The following DOCK1 variants were observed in gnomAD, a reference collection of about 807,000 sequenced individuals.
DOCK1 encodes dedicator of cytokinesis protein 1.
DOCK1 carries 138 observed loss-of-function variants against 262.7 expected under a neutral mutation model. The ratio of observed to expected loss-of-function variants is 0.53; its 90% CI spans 0.46 to 0.61. DOCK1 has a LOEUF of 0.61. Ranked by LOEUF, DOCK1 falls within the 20% of genes least tolerant of loss-of-function variation. DOCK1 has a pLI of 0.00. For synonymous variants in DOCK1, 866 were observed against 867.4 expected, an observed-to-expected ratio of 1.00 and a Z score of 0.03; for missense variants, 1,908 against 2,370.7, an observed-to-expected ratio of 0.80 and a Z score of 4.05.
chr10:126,952,953 T>C (rs2036429346), intron 1 of DOCK1, among the ~76,000 whole-genome samples: 2 of 180 alleles, frequency 0.011, no homozygotes, highest in Non-Finnish European at 0.026. Flanking sequence ...ATGGTAGTGG[T>C]AGTATTTTTT....
At chr10:127,156,347 G>A (rs145328127) in intron 27 of DOCK1, among the ~76,000 whole-genome samples, 44 of 152,186 alleles carry the variant, frequency 2.9e-4, no homozygotes, top group Non-Finnish European at 5.4e-4. Context: ...TTGCTTGTAT[G>A]CTGGGGCTGG....
chr10:126,957,948 A>C lies in DOCK1; in HGVS notation c.47-12754A>C, dbSNP rs893731721. 8.7e-4 allele frequency among the ~76,000 whole-genome samples: 133 copies of C among 152,382 alleles called. 1 individual carries two copies. Among genetic ancestry groups the C allele is most frequent in the Non-Finnish European group, 1.0e-3 (71 of 68,048 alleles). On this transcript the variant is annotated intron_variant, in intron 1 of 51. Coordinates refer to ENST00000623213, the MANE Select transcript of DOCK1 (RefSeq NM_001290223.2). The stretch of plus-strand genomic sequence containing the variant: ...ATTCATGTGGCTCAAAATGTTGAGC[A>C]GAAGAAGTCAGACATAAAGGAGCAC...
chr10:127,267,465 G>A (rs1366837812), intron 29 of DOCK1, among the ~76,000 whole-genome samples: 1 of 152,108 alleles, frequency 6.6e-6, no homozygotes, highest in African/African-American at 2.4e-5. Context: ...TATTCAGATT[G>A]CCTGTTTTAA....
chr10:127,097,670 T>C (rs2047994015), intron 23 of DOCK1, among the ~76,000 whole-genome samples: 1 of 152,208 alleles, frequency 6.6e-6, no homozygotes, highest in African/African-American at 2.4e-5. Context: ...ACCAAGTTGA[T>C]AGAATAACAT....
rs528192596 is a variant in DOCK1, at chr10:126,997,198, G to C, written c.609+315G>C. On this transcript the variant is annotated intron_variant, in intron 7 of 51. Transcript: ENST00000623213. ...TTTCCTCTCGGATAATGGTAGGCAGGTCATGTATTCCAAGCTCATTGAGGG... is the reference window on the plus strand; with the variant it reads ...TTTCCTCTCGGATAATGGTAGGCAGCTCATGTATTCCAAGCTCATTGAGGG... 5.3e-5 allele frequency among the ~76,000 whole-genome samples: 8 copies of C among 152,250 alleles called. No homozygotes were observed. In the East Asian group the frequency reaches 1.5e-3, roughly 29 times the overall value.
At chr10:126,907,381 G>A (rs1340849079) in intron 1 of DOCK1, among the ~76,000 whole-genome samples, 1 of 152,130 alleles carries the variant, frequency 6.6e-6, no homozygotes, top group Non-Finnish European at 1.5e-5. Flanking sequence ...TGCAGTAGTG[G>A]CCATTGGGGG....
intron 27 of DOCK1, among the ~76,000 whole-genome samples, chr10:127,228,918 G>A (rs1034572291): frequency 3.9e-5 from 6 of 152,020 alleles, no homozygotes; most frequent in African/African-American, 1.5e-4. Context: ...TATTTTTCAC[G>A]TGTGGTGAGA....
intron 8 of DOCK1, 123 bp downstream of exon 8, chr10:126,998,372 C>A: frequency 7.5e-7 from 1 of 1,339,920 alleles, no homozygotes; most frequent in Non-Finnish European, 1.0e-6. Flanking sequence ...TGGACACGAG[C>A]AAGCAGCCGA....
At chr10:127,265,880 A>G (rs1357014124) in intron 29 of DOCK1, among the ~76,000 whole-genome samples, 3 of 152,226 alleles carry the variant, frequency 2.0e-5, no homozygotes, top group Admixed American at 6.5e-5. Flanking sequence ...TTCCTTAAGG[A>G]TAAGTCGTGT....
chr10:126,928,136 GCA>G (rs1481804951), intron 1 of DOCK1, among the ~76,000 whole-genome samples: 1 of 152,204 alleles, frequency 6.6e-6, no homozygotes, highest in African/African-American at 2.4e-5. Flanking sequence ...AATGAAACAT[GCA>G]CAGAGTGAAG....
rs372286406 is a variant in DOCK1, at chr10:127,451,453, G to A, written c.*26G>A. 6.4e-7 allele frequency: 1 copy of A among 1,556,878 alleles called. No individual in the cohort carries two copies. Among genetic ancestry groups the A allele is most frequent in the Non-Finnish European group, 8.7e-7 (1 of 1,150,456 alleles). ...CGTCGCAAGCCTCTCTGGAAAGAGT[G>A]TGCTGCCCCTCCCCATCTCCATGCC... is the stretch of plus-strand genomic sequence containing the variant. On this transcript the variant is annotated 3_prime_UTR_variant, in exon 52 of 52. Coordinates refer to ENST00000623213, the MANE Select transcript of DOCK1 (RefSeq NM_001290223.2).
At chr10:127,016,998 G>T (rs1022567324) in intron 12 of DOCK1, among the ~76,000 whole-genome samples, 1 of 60,826 alleles carries the variant, frequency 1.6e-5, no homozygotes, top group African/African-American at 7.7e-5. Context: ...CACAGATACA[G>T]ACACCACAAA....
At chr10:127,140,727 G>A (rs939377301) in intron 27 of DOCK1, among the ~76,000 whole-genome samples, 4 of 139,136 alleles carry the variant, frequency 2.9e-5, no homozygotes, top group South Asian at 4.7e-4. Flanking sequence ...GAAGGTTAAC[G>A]GTCTGGCCAA....
At chr10:127,392,976 C>G (rs1436494810) in intron 38 of DOCK1, among the ~76,000 whole-genome samples, 1 of 152,186 alleles carries the variant, frequency 6.6e-6, no homozygotes, top group Non-Finnish European at 1.5e-5. Context: ...GTCCAAATGA[C>G]TACAGCAGTT....
At chr10:127,134,134 T>C (rs573529197) in intron 27 of DOCK1, among the ~76,000 whole-genome samples, 7 of 152,342 alleles carry the variant, frequency 4.6e-5, no homozygotes, top group Admixed American at 3.9e-4. Context: ...TCTTGTTTCC[T>C]TTTCTTGCTG....
chr10:127,439,218 C>A lies in DOCK1; in HGVS notation c.5252C>A (p.Ser1751Ter). Residue 1751 changes from serine to a stop codon, truncating the protein, a stop_gained, in exon 49 of 52, where the codon TCG (serine) becomes TAG (stop). Transcript: ENST00000623213. LOFTEE classifies it high-confidence loss of function. Reference protein sequence around the residue: ...SLQQSEAVILSETISPLRPQR... With the variant: ...SLQQSEAVIL ...CAGCAGTCTGAGGCTGTGATCCTTT[C>A]GGAAACGGTAACCCGACAGGGTATC... The A allele has an allele frequency of 1.9e-6, 3 of 1,609,084 alleles. No individual in the cohort carries two copies. The highest frequency in any genetic ancestry group is 2.5e-6 in the Non-Finnish European group (3 of 1,177,800).
At chr10:127,102,543 G>T (rs2048312278) in intron 23 of DOCK1, among the ~76,000 whole-genome samples, 1 of 152,162 alleles carries the variant, frequency 6.6e-6, no homozygotes, top group African/African-American at 2.4e-5. Context: ...AAAAATTAAG[G>T]TATAGGCTGG....
intron 29 of DOCK1, among the ~76,000 whole-genome samples, chr10:127,287,356 A>G (rs1256382784): frequency 6.6e-6 from 1 of 151,734 alleles, no homozygotes; most frequent in Non-Finnish European, 1.5e-5. Flanking sequence ...TGCCCAGCTA[A>G]TTTTTAGTTT....
At chr10:127,215,263 C>T (rs2058154723) in intron 27 of DOCK1, among the ~76,000 whole-genome samples, 1 of 152,156 alleles carries the variant, frequency 6.6e-6, no homozygotes, top group African/African-American at 2.4e-5. Context: ...GAAGCTTTCC[C>T]TGTCTTCCTG....
Sources: gnomAD v4.1 joint callset for allele counts (sites outside exome capture counted in the v4.1 genomes callset) on GRCh38, gnomAD v4.1.1 for gene constraint, MANE v1.5 for transcripts, NCBI Gene and HGNC (gene_info 2026-07-23, HGNC 2026-07-21) for gene names.